The following KLHL2 variants were observed in gnomAD, a reference collection of about 807,000 sequenced individuals.
KLHL2 encodes the protein kelch like family member 2.
A neutral mutation model predicts 75.8 loss-of-function variants in KLHL2; 15 were observed. That is an observed-to-expected ratio of 0.20 (90% CI 0.13 to 0.30). KLHL2 has a LOEUF of 0.30. Among genes scored for constraint, KLHL2 ranks in the 10% least tolerant of loss-of-function variants. The pLI, the probability that KLHL2 is intolerant of heterozygous loss-of-function variation, is 1.00. For missense variants in KLHL2, 381 were observed against 741.0 expected, an observed-to-expected ratio of 0.51 and a Z score of 5.64; for synonymous variants, 214 against 251.9, an observed-to-expected ratio of 0.85 and a Z score of 1.42.
intron 5 of KLHL2, among the ~76,000 whole-genome samples, chr4:165,282,412 T>G (rs181206191): frequency 2.0e-4 from 31 of 152,334 alleles, no homozygotes; most frequent in Admixed American, 5.9e-4. Flanking sequence ...GTTAGGCTTT[T>G]AGTTGATGGT....
intron 3 of KLHL2, among the ~76,000 whole-genome samples, chr4:165,237,002 G>T (rs965040168): frequency 6.7e-6 from 1 of 149,382 alleles, no homozygotes; most frequent in Admixed American, 6.7e-5. Flanking sequence ...ACGCTTAACT[G>T]AGTACTGGCT....
At position 165,310,649 on chromosome 4, in the gene KLHL2, A is replaced by G. The variant is rs1746087624; in HGVS notation, c.1136A>G (p.Gln379Arg). 1.9e-6 allele frequency: 3 copies of G among 1,614,144 alleles called. No individual in the cohort carries two copies. Among genetic ancestry groups the G allele is most frequent in the Non-Finnish European group, 2.5e-6 (3 of 1,179,976 alleles). ...TVDSYDPVKD[Q>R]WTSVANMRDR... ...GATTCCTACGACCCTGTGAAGGACC[A>G]GTGGACCAGCGTTGCTAACATGAGA... The change falls in exon 10 of 15, where the codon CAG (glutamine) becomes CGG (arginine). Residue 379 changes from glutamine (Q) to arginine (R), a missense_variant. By Grantham distance (43) the Gln-to-Arg change is conservative. Transcript: ENST00000226725.
rs534639914 is a variant in KLHL2, at chr4:165,209,092, T to C, written c.26+1190T>C. Among the ~76,000 whole-genome samples the C allele has an allele frequency of 9.8e-4, 149 of 152,324 alleles. 1 individual carries two copies. The highest frequency in any genetic ancestry group is 1.8e-3 in the Non-Finnish European group (123 of 68,032). ...AGGTCGTGGAAATCTAGGGGGTAGA[T>C]AAGACTCTTGAATTGGCCTTCCTGG... On this transcript the variant is annotated intron_variant, in intron 1 of 14. Transcript: ENST00000226725.
intron 4 of KLHL2, among the ~76,000 whole-genome samples, chr4:165,259,578 G>C (rs150521690): frequency 0.22 from 32,995 of 152,240 alleles, 4,068 homozygotes; most frequent in Non-Finnish European, 0.29. Context: ...ATTCGCTTGT[G>C]TATGATGGAG....
intron 1 of KLHL2, among the ~76,000 whole-genome samples, chr4:165,217,308 T>C: frequency 6.6e-6 from 1 of 152,242 alleles, no homozygotes; most frequent in East Asian, 1.9e-4. Context: ...GGTTTCTTAC[T>C]GTTTCCTTTA....
chr4:165,219,839 G>C, intron 1 of KLHL2, 95 bp from the exon 2 acceptor site: 1 of 1,366,332 alleles, frequency 7.3e-7, no homozygotes, highest in South Asian at 1.5e-5. Context: ...GTAGGGGAAG[G>C]AGACATTCAT....
At chr4:165,217,709 T>C (rs1462657900) in intron 1 of KLHL2, among the ~76,000 whole-genome samples, 2 of 152,224 alleles carry the variant, frequency 1.3e-5, no homozygotes, top group African/African-American at 4.8e-5. Context: ...GTTATATTCA[T>C]GTTGAGTACC....
intron 7 of KLHL2, among the ~76,000 whole-genome samples, chr4:165,299,123 A>G (rs983232088): frequency 9.2e-5 from 14 of 152,046 alleles, no homozygotes; most frequent in African/African-American, 3.4e-4. Context: ...ACTTATTAGT[A>G]TTGTCTTCAC....
chr4:165,290,284 A>C (rs770198986), intron 5 of KLHL2, among the ~76,000 whole-genome samples: 1 of 152,020 alleles, frequency 6.6e-6, no homozygotes, highest in South Asian at 2.1e-4. Flanking sequence ...TTGGGACTAC[A>C]AACATGCACC....
chr4:165,227,814 G>A (rs999729664), intron 2 of KLHL2, among the ~76,000 whole-genome samples: 6 of 151,856 alleles, frequency 4.0e-5, no homozygotes, highest in Non-Finnish European at 7.4e-5. Context: ...CTCACCACAT[G>A]TTTTTGAGTG....
intron 4 of KLHL2, among the ~76,000 whole-genome samples, chr4:165,254,380 G>GC (rs1740986345): frequency 6.6e-6 from 1 of 150,986 alleles, no homozygotes; most frequent in African/African-American, 2.5e-5. Flanking sequence ...AGTTGGTTCT[G>GC]GTTTTTTTTC....
chr4:165,269,642 C>G lies in KLHL2; in HGVS notation c.544+6283C>G, dbSNP rs1579083979. Among the ~76,000 whole-genome samples the G allele has an allele frequency of 2.6e-5, 4 of 150,982 alleles. No individual in the cohort carries two copies. In the East Asian group the frequency reaches 5.8e-4, roughly 22 times the overall value. On this transcript the variant is annotated intron_variant, in intron 5 of 14. Coordinates refer to ENST00000226725, the MANE Select transcript of KLHL2 (RefSeq NM_007246.4). ...TCTTTAAGAATGTCGAATATTGGCT[C>G]CACTCTTTCCTGGCTTGTAGGGTTT...
At chr4:165,227,899 GCTTTTTT>G in intron 2 of KLHL2, among the ~76,000 whole-genome samples, 1 of 147,504 alleles carries the variant, frequency 6.8e-6, no homozygotes, top group South Asian at 2.1e-4. Context: ...GTAACAAAAT[GCTTTTTT>G]TTTTTTTTTG....
chr4:165,314,285 C>A, intron 13 of KLHL2, 119 bp downstream of exon 13: 1 of 893,918 alleles, frequency 1.1e-6, no homozygotes, highest in Non-Finnish European at 1.7e-6. Flanking sequence ...TCTGGGTTCC[C>A]TGATAGACTC....
At chr4:165,316,698 T>G (rs1227887312) in intron 13 of KLHL2, among the ~76,000 whole-genome samples, 1 of 152,198 alleles carries the variant, frequency 6.6e-6, no homozygotes, top group Non-Finnish European at 1.5e-5. Context: ...CAGGGGATCT[T>G]TGTTCATTGC....
intron 5 of KLHL2, among the ~76,000 whole-genome samples, chr4:165,276,657 TA>T (rs1743139561): frequency 6.6e-6 from 1 of 152,196 alleles, no homozygotes; most frequent in Non-Finnish European, 1.5e-5. Flanking sequence ...AAGGCATTTA[TA>T]ATGATAAACC....
At chr4:165,259,933 A>G (rs202146978) in intron 4 of KLHL2, among the ~76,000 whole-genome samples, 43,316 of 147,816 alleles carry the variant, frequency 0.29, 6,970 homozygotes, top group African/African-American at 0.38. Flanking sequence ...TTGATCTCAA[A>G]ACTTTCAGCT....
At chr4:165,231,445 A>T (rs1738881484) in intron 3 of KLHL2, among the ~76,000 whole-genome samples, 1 of 152,148 alleles carries the variant, frequency 6.6e-6, no homozygotes, top group African/African-American at 2.4e-5. Context: ...TGAGAAAAAA[A>T]AAATTACCTA....
At chr4:165,266,171 G>A (rs1742226356) in intron 5 of KLHL2, among the ~76,000 whole-genome samples, 1 of 151,968 alleles carries the variant, frequency 6.6e-6, no homozygotes, top group Admixed American at 6.6e-5. Context: ...GGGGTTGTTT[G>A]TTTTTTTCTT....
Sources: allele counts gnomAD v4.1 joint callset (sites outside exome capture counted in the v4.1 genomes callset), GRCh38; gene constraint gnomAD v4.1.1; transcripts MANE v1.5; gene names NCBI Gene and HGNC (gene_info 2026-07-23, HGNC 2026-07-21).